Variants in SHANK2 observed in about 807,000 individuals in gnomAD.
SHANK2 encodes the protein SH3 and multiple ankyrin repeat domains 2, also known as SH3 and multiple ankyrin repeat domains protein 2.
A neutral mutation model predicts 133.7 loss-of-function variants in SHANK2; 43 were observed. That is an observed-to-expected ratio of 0.32 (90% CI 0.25 to 0.41). SHANK2 has a LOEUF of 0.41. Ranked by LOEUF, SHANK2 falls within the 10% of genes least tolerant of loss-of-function variation. The probability of loss-of-function intolerance (pLI) is 1.00; values close to 1 mark genes in which losing one functional copy is unlikely to be tolerated. For synonymous variants in SHANK2, 1,017 were observed against 952.8 expected (o/e 1.07, Z -1.24); for missense variants, 1,994 against 2,235.8 (o/e 0.89, Z 2.18).
In SHANK2 at chr11:71,074,382, C is replaced by G. The variant is rs984007843; in HGVS notation, c.1029+777G>C. Among the ~76,000 whole-genome samples, 3 of 152,170 alleles carry G rather than the reference C, an allele frequency of 2.0e-5. No individual in the cohort carries two copies. The East Asian group carries it at 5.8e-4, about 29-fold the overall frequency. On this transcript the variant is annotated intron_variant, in intron 9 of 25. Coordinates refer to ENST00000601538, the MANE Select transcript of SHANK2 (RefSeq NM_012309.5). ...AGCATGGTTTCAACAAGCAATTTAT[C>G]CCCCAGTACACAGGTCCCTCCCCCA...
intron 17 of SHANK2, among the ~76,000 whole-genome samples, chr11:70,591,351 CAAACAAAAAG>C (rs1369307328): frequency 7.3e-6 from 1 of 137,146 alleles, no homozygotes; most frequent in Non-Finnish European, 1.6e-5. Context: ...GACTCTGTCT[CAAACAAAAAG>C]AAAAAGAAAA....
intron 11 of SHANK2, among the ~76,000 whole-genome samples, chr11:70,885,407 T>C (rs1949723514): frequency 1.3e-5 from 2 of 152,138 alleles, no homozygotes; most frequent in African/African-American, 2.4e-5. Context: ...GTGTGCACCA[T>C]GGGGGATCCG....
rs145426777 is a variant in SHANK2 at position 70,933,638 on chromosome 11, G to C, written c.1108-37071C>G. 2.5e-3 allele frequency among the ~76,000 whole-genome samples: 387 copies of C among 152,300 alleles called. 2 individuals carry two copies. Among genetic ancestry groups the C allele is most frequent in the African/African-American group, 8.9e-3 (368 of 41,572 alleles). The stretch of plus-strand genomic sequence containing the variant: ...GTAATTTTTTAAAAAAGCAACAACA[G>C]GCTGGGTGTGGTGGCTCATGCCTGT... On this transcript the variant is annotated intron_variant, in intron 10 of 25. Coordinates refer to ENST00000601538, the MANE Select transcript of SHANK2 (RefSeq NM_012309.5).
intron 15 of SHANK2, among the ~76,000 whole-genome samples, chr11:70,694,198 T>C (rs1290674045): frequency 6.6e-6 from 1 of 152,232 alleles, no homozygotes; most frequent in Non-Finnish European, 1.5e-5. Context: ...AAATGGCCCT[T>C]AGGGCCTCTG....
chr11:71,073,136 C>CTTTTCTTTTTTTT (rs1951164763), intron 9 of SHANK2, among the ~76,000 whole-genome samples: 13 of 72,336 alleles, frequency 1.8e-4, no homozygotes, highest in Non-Finnish European at 3.8e-4. Context: ...TGTTTTTTTT[C>CTTTTCTTTTTTTT]TTTTTCTTTT....
intron 1 of SHANK2, among the ~76,000 whole-genome samples, chr11:71,232,624 C>T (rs1368906252): frequency 2.0e-5 from 3 of 152,194 alleles, no homozygotes; most frequent in Non-Finnish European, 4.4e-5. Context: ...CTACGATCCA[C>T]TTCCACTCAG....
intron 17 of SHANK2, among the ~76,000 whole-genome samples, chr11:70,601,137 C>A (rs2136324068): frequency 6.6e-6 from 1 of 152,202 alleles, no homozygotes; most frequent in South Asian, 2.1e-4. Context: ...CGGCAATCTC[C>A]ACCTCCTGGG....
rs1317642706 is a variant in SHANK2 at position 70,807,550 on chromosome 11, C to T, written c.1494-379G>A. Among the ~76,000 whole-genome samples, 1 of 152,126 alleles carries T rather than the reference C, an allele frequency of 6.6e-6. No homozygotes were observed. Among genetic ancestry groups the T allele is most frequent in the Non-Finnish European group, 1.5e-5 (1 of 68,030 alleles). On this transcript the variant is annotated intron_variant, in intron 12 of 25. Transcript: ENST00000601538. The surrounding 1 kb of genome is among the most constrained non-coding windows in gnomAD (Gnocchi z 4.8). The stretch of plus-strand genomic sequence containing the variant: ...CTCCATCAGGAATTAAACTCTGGGC[C>T]AGGCGTGGTGGGATCACATCTGTAA...
At chr11:70,664,632 C>T (rs1235032792) in intron 15 of SHANK2, among the ~76,000 whole-genome samples, 2 of 152,228 alleles carry the variant, frequency 1.3e-5, no homozygotes, top group Non-Finnish European at 2.9e-5. Flanking sequence ...GGCAGCTCCT[C>T]CTGCAGTGCC....
chr11:70,733,573 G>A lies in SHANK2; in HGVS notation c.1778-34810C>T, dbSNP rs148496601. On this transcript the variant is annotated intron_variant, in intron 14 of 25. Transcript: ENST00000601538. ...CACTCCATTCATGGGGGTACTGTCT[G>A]TGGCTGCTGCCTGCTACAAAGGCAG... Among the ~76,000 whole-genome samples, 1,115 of 152,338 alleles carry A rather than the reference G, an allele frequency of 7.3e-3. 8 individuals carry two copies. Among genetic ancestry groups the A allele is most frequent in the African/African-American group, 0.025 (1,039 of 41,572 alleles).
At chr11:70,942,734 C>A (rs1458297894) in intron 10 of SHANK2, 1 of 456,152 alleles carries the variant, frequency 2.2e-6, no homozygotes, top group Non-Finnish European at 4.4e-6. Flanking sequence ...GCATCAGTTG[C>A]ACTCTGCCCT....
chr11:70,500,831 G>A lies in SHANK2; in HGVS notation c.2288-241C>T. 1.4e-6 allele frequency: 1 copy of A among 715,030 alleles called. No homozygotes were observed. The highest frequency in any genetic ancestry group is 2.6e-6 in the Non-Finnish European group (1 of 385,926). 44.3% of individuals were successfully genotyped at this position (715,030 alleles called of 1,614,324 possible). A position where few individuals can be genotyped will look rare whatever the true frequency, so the allele number is the denominator to read the frequency against. On this transcript the variant is annotated intron_variant, in intron 20 of 25. Transcript: ENST00000601538. The surrounding 1 kb of genome is among the most constrained non-coding windows in gnomAD (Gnocchi z 4.5). The stretch of plus-strand genomic sequence containing the variant: ...TGCCCTGCTCGTTAACCTACTGCCT[G>A]GCAGTGGAAAGGGGCTTTCCTTCTT...
chr11:70,661,506 C>T (rs1297545584), intron 16 of SHANK2, 90 bp downstream of exon 16: 8 of 40,684 alleles, frequency 2.0e-4, no homozygotes, highest in Admixed American at 7.2e-4. Context: ...CGTATACACA[C>T]ACACACACAC....
chr11:70,624,278 C>T (rs1554999017), intron 17 of SHANK2, among the ~76,000 whole-genome samples: 1 of 152,066 alleles, frequency 6.6e-6, no homozygotes, highest in Admixed American at 6.5e-5. Context: ...TTGCATCCTA[C>T]CCCTCTCCCC....
At chr11:70,652,141 A>G (rs2061345662) in intron 17 of SHANK2, among the ~76,000 whole-genome samples, 1 of 152,254 alleles carries the variant, frequency 6.6e-6, no homozygotes, top group African/African-American at 2.4e-5. Flanking sequence ...TAAAAGCCAG[A>G]CCCATGCCAA....
At chr11:71,198,259 T>G (rs1040494836) in intron 2 of SHANK2, among the ~76,000 whole-genome samples, 1 of 152,112 alleles carries the variant, frequency 6.6e-6, no homozygotes, top group Non-Finnish European at 1.5e-5. Context: ...ACTTTTGCCT[T>G]TGTATGTTAT....
intron 17 of SHANK2, among the ~76,000 whole-genome samples, chr11:70,597,889 C>T (rs1554989912): frequency 6.6e-6 from 1 of 152,166 alleles, no homozygotes; most frequent in African/African-American, 2.4e-5. Flanking sequence ...ACCAACCAAC[C>T]AACCAACACC....
intron 17 of SHANK2, among the ~76,000 whole-genome samples, chr11:70,640,984 G>A (rs1367781851): frequency 1.3e-5 from 2 of 152,168 alleles, no homozygotes; most frequent in East Asian, 1.9e-4. Flanking sequence ...TAAAACATGG[G>A]CTGGCTACTG....
chr11:71,216,509 A>G (rs1284772495), intron 2 of SHANK2, among the ~76,000 whole-genome samples: 1 of 152,118 alleles, frequency 6.6e-6, no homozygotes, highest in African/African-American at 2.4e-5. Context: ...CTAATGGTAC[A>G]GGTTTTGGGG....
Sources: allele counts gnomAD v4.1 joint callset (sites outside exome capture counted in the v4.1 genomes callset), GRCh38; gene constraint gnomAD v4.1.1; non-coding constraint Gnocchi (gnomAD v3.1); transcripts MANE v1.5; gene names NCBI Gene and HGNC (gene_info 2026-07-23, HGNC 2026-07-21).